Variants in SLC44A5 observed in about 807,000 individuals in gnomAD.
SLC44A5 encodes the protein solute carrier family 44 member 5, also known as choline transporter-like protein 5.
Under a neutral mutation model 101.8 loss-of-function variants are expected in SLC44A5, and 57 were observed. That is an observed-to-expected ratio of 0.56 (90% CI 0.45 to 0.70). The LOEUF (loss-of-function observed/expected upper bound fraction) is 0.70, where lower values mean the gene tolerates loss of function less well. SLC44A5 is among the 30% of genes least tolerant of loss of function. The probability of loss-of-function intolerance (pLI) is 0.00; values close to 1 mark genes in which losing one functional copy is unlikely to be tolerated. For missense variants in SLC44A5, 737 were observed against 853.1 expected (o/e 0.86, Z 1.70); for synonymous variants, 281 against 290.9 (o/e 0.97, Z 0.35).
chr1:75,514,840 C>T (rs1195240153), intron 2 of SLC44A5, among the ~76,000 whole-genome samples: 1 of 152,178 alleles, frequency 6.6e-6, no homozygotes, highest in Non-Finnish European at 1.5e-5. Flanking sequence ...TGTTTTGCTA[C>T]AGAAACTGTA....
At chr1:75,404,646 C>T (rs1662728572) in intron 2 of SLC44A5, among the ~76,000 whole-genome samples, 1 of 152,164 alleles carries the variant, frequency 6.6e-6, no homozygotes, top group Non-Finnish European at 1.5e-5. Flanking sequence ...CAAGCAAATG[C>T]TGAGAAGTTT....
At chr1:75,443,469 T>A (rs897220823) in intron 2 of SLC44A5, among the ~76,000 whole-genome samples, 1 of 151,984 alleles carries the variant, frequency 6.6e-6, no homozygotes, top group Admixed American at 6.6e-5. Flanking sequence ...AACAACTTTA[T>A]GCCAATATTT....
At chr1:75,505,406 T>C (rs1046043933) in intron 2 of SLC44A5, among the ~76,000 whole-genome samples, 3 of 152,140 alleles carry the variant, frequency 2.0e-5, no homozygotes, top group African/African-American at 7.2e-5. Flanking sequence ...GTAGTTCCGT[T>C]TTAAGTTCTT....
At chr1:75,340,453 C>A (rs113666065) in intron 3 of SLC44A5, among the ~76,000 whole-genome samples, 41 of 152,260 alleles carry the variant, frequency 2.7e-4, no homozygotes, top group Non-Finnish European at 4.3e-4. Flanking sequence ...AAGGTCTGGT[C>A]CTGAATAAAA....
intron 4 of SLC44A5, among the ~76,000 whole-genome samples, chr1:75,321,055 A>G (rs1409520432): frequency 4.6e-5 from 7 of 152,158 alleles, no homozygotes. Context: ...ACACTTTAGT[A>G]TCATAATATT....
At chr1:75,693,181 G>A in the SLC44A5 span, among the ~76,000 whole-genome samples, 33 of 152,154 alleles carry the variant, frequency 2.2e-4, no homozygotes, top group African/African-American at 7.7e-4. Flanking sequence ...AATGGAGGCT[G>A]GACAGTTAGT....
At chr1:75,347,701 T>TGTGC (rs1297150063) in intron 3 of SLC44A5, among the ~76,000 whole-genome samples, 2 of 151,614 alleles carry the variant, frequency 1.3e-5, no homozygotes, top group African/African-American at 4.8e-5. Context: ...TGTGTGTGTG[T>TGTGC]GTGTGTGTTA....
chr1:75,403,943 G>A (rs1662676511), intron 2 of SLC44A5, among the ~76,000 whole-genome samples: 1 of 152,010 alleles, frequency 6.6e-6, no homozygotes, highest in Non-Finnish European at 1.5e-5. Flanking sequence ...AGGGAACTAA[G>A]AACCTTGCAA....
chr1:75,368,497 A>T (rs933754131), intron 3 of SLC44A5, among the ~76,000 whole-genome samples: 1 of 152,232 alleles, frequency 6.6e-6, no homozygotes, highest in African/African-American at 2.4e-5. Flanking sequence ...TTAAGTAAAT[A>T]CTTACCTAAT....
At chr1:75,576,581 C>G (rs561401636) in intron 1 of SLC44A5, among the ~76,000 whole-genome samples, 4 of 152,234 alleles carry the variant, frequency 2.6e-5, no homozygotes, top group South Asian at 4.1e-4. Context: ...GCCTCCCAAA[C>G]TGCTGGGATT....
At chr1:75,525,597 C>A (rs1046326621) in intron 2 of SLC44A5, among the ~76,000 whole-genome samples, 4 of 151,746 alleles carry the variant, frequency 2.6e-5, no homozygotes, top group African/African-American at 9.7e-5. Flanking sequence ...AACATGAATA[C>A]AATCTGTGAA....
chr1:75,401,309 G>A (rs890981464), intron 2 of SLC44A5, among the ~76,000 whole-genome samples: 1 of 152,134 alleles, frequency 6.6e-6, no homozygotes, highest in African/African-American at 2.4e-5. Flanking sequence ...AACTACATAG[G>A]TGAACAAGAG....
chr1:75,339,323 C>CT, intron 4 of SLC44A5, among the ~76,000 whole-genome samples: 1 of 152,122 alleles, frequency 6.6e-6, no homozygotes, highest in Admixed American at 6.5e-5. Flanking sequence ...TTTCACTTCT[C>CT]TTTTTGAAAA....
At chr1:75,259,999 G>A (rs1186003224) in intron 6 of SLC44A5, among the ~76,000 whole-genome samples, 1 of 152,070 alleles carries the variant, frequency 6.6e-6, no homozygotes, top group Non-Finnish European at 1.5e-5. Context: ...GTCACCACCA[G>A]GCCTGCCCTA....
At chr1:75,218,434 A>C in intron 17 of SLC44A5, 56 bp downstream of exon 17, 1 of 1,591,648 alleles carries the variant, frequency 6.3e-7, no homozygotes. Context: ...AGACTGAATT[A>C]CAAGCACACT....
intron 4 of SLC44A5, chr1:75,311,607 T>C: frequency 2.0e-6 from 2 of 981,270 alleles, no homozygotes; most frequent in South Asian, 9.4e-5. Flanking sequence ...TCATGATTAA[T>C]GAGGTACCTA....
intron 19 of SLC44A5, 33 bp downstream of exon 19, chr1:75,215,721 G>A (rs754242525): frequency 7.7e-7 from 1 of 1,302,366 alleles, no homozygotes; most frequent in Non-Finnish European, 1.1e-6. Flanking sequence ...TTGCAAAGAA[G>A]CAGCTTAGTA....
At position 75,348,971 on chromosome 1, in the gene SLC44A5, A is replaced by G. The variant is rs184725536; in HGVS notation, c.53-9341T>C. ...TTGACATCAGATTAGACACAGCTGAAGAGACAATTAGCAAACTAGAAAGTA... is the reference window on the plus strand; with the variant it reads ...TTGACATCAGATTAGACACAGCTGAGGAGACAATTAGCAAACTAGAAAGTA... On this transcript the variant is annotated intron_variant, in intron 3 of 23. Transcript: ENST00000370859. Among the ~76,000 whole-genome samples, 209 of 152,352 alleles carry G rather than the reference A, an allele frequency of 1.4e-3. 1 individual carries two copies. Among genetic ancestry groups the G allele is most frequent in the Non-Finnish European group, 4.9e-4 (33 of 68,034 alleles).
At chr1:75,539,847 T>C (rs975452848) in intron 2 of SLC44A5, among the ~76,000 whole-genome samples, 2 of 152,202 alleles carry the variant, frequency 1.3e-5, no homozygotes, top group Admixed American at 1.3e-4. Context: ...AAAGGTGTGA[T>C]ATCTCTTCTA....
Sources: allele counts gnomAD v4.1 joint callset (sites outside exome capture counted in the v4.1 genomes callset), GRCh38; gene constraint gnomAD v4.1.1; transcripts MANE v1.5; gene names NCBI Gene and HGNC (gene_info 2026-07-23, HGNC 2026-07-21).